WWOX: variants seen among roughly 807,000 people sequenced by gnomAD.
WWOX encodes the protein WW domain containing oxidoreductase.
WWOX carries 69 observed loss-of-function variants against 46.2 expected under a neutral mutation model. That is an observed-to-expected ratio of 1.49 (90% CI 1.23 to 1.82). WWOX has a LOEUF of 1.82. Among genes scored for constraint, WWOX ranks in the 40% most tolerant of loss-of-function variants. The pLI is 0.00. For synonymous variants in WWOX, 359 were observed against 202.6 expected (o/e 1.77, Z -6.56); for missense variants, 919 against 542.6 (o/e 1.69, Z -6.89).
chr16:78,137,140 G>A (rs1567592317), intron 4 of WWOX, among the ~76,000 whole-genome samples: 1 of 152,220 alleles, frequency 6.6e-6, no homozygotes. Flanking sequence ...CCTTCACCCA[G>A]AAAGACACAT....
At chr16:78,752,408 C>A (rs1007588109) in intron 8 of WWOX, among the ~76,000 whole-genome samples, 8 of 152,182 alleles carry the variant, frequency 5.3e-5, no homozygotes, top group African/African-American at 1.9e-4. Flanking sequence ...CTGCCTCAGC[C>A]TTCTGAGTAG....
intron 5 of WWOX, among the ~76,000 whole-genome samples, chr16:78,248,620 C>T (rs1262625823): frequency 6.6e-6 from 1 of 152,040 alleles, no homozygotes; most frequent in Non-Finnish European, 1.5e-5. Flanking sequence ...CCTGTAGTCA[C>T]AGCTACTCAG....
Position 78,314,701 on chromosome 16 carries a change from GTTTTT to G in WWOX, c.517-72143_517-72139del, listed in dbSNP as rs920575863. ...CACCCTGCAGGGGTTTTTTTTTTTT[GTTTTT>G]TTTTTTTTTTTTTTTCTGTATTTTC... On this transcript the variant is annotated intron_variant, in intron 5 of 8. Transcript: ENST00000566780. Among the ~76,000 whole-genome samples, 388 of 61,278 alleles carry G rather than the reference GTTTTT, an allele frequency of 6.3e-3. 1 individual carries two copies. Among genetic ancestry groups the G allele is most frequent in the Non-Finnish European group, 9.7e-3 (333 of 34,410 alleles). The allele number at this position is 61,278 out of a possible 152,430, so 40.2% of individuals were successfully genotyped here. A position where few individuals can be genotyped will look rare whatever the true frequency, so the allele number is the denominator to read the frequency against.
At chr16:78,556,765 G>A (rs1381278667) in intron 8 of WWOX, among the ~76,000 whole-genome samples, 2 of 151,994 alleles carry the variant, frequency 1.3e-5, no homozygotes, top group African/African-American at 4.8e-5. Context: ...GCCCAGCCTG[G>A]AGTGAAGTGG....
At chr16:79,012,265 C>T (rs1434575971) in intron 8 of WWOX, among the ~76,000 whole-genome samples, 1 of 152,098 alleles carries the variant, frequency 6.6e-6, no homozygotes, top group Admixed American at 6.5e-5. Context: ...TGGAGCCTCG[C>T]TCTGTCACCT....
chr16:78,234,461 G>A (rs1356628198), intron 5 of WWOX, among the ~76,000 whole-genome samples: 1 of 152,120 alleles, frequency 6.6e-6, no homozygotes, highest in Non-Finnish European at 1.5e-5. Context: ...AAGTGGCCAT[G>A]TTTTTGTACG....
intron 6 of WWOX, among the ~76,000 whole-genome samples, chr16:78,391,103 T>C (rs1006258817): frequency 1.3e-5 from 2 of 152,144 alleles, no homozygotes; most frequent in African/African-American, 2.4e-5. Flanking sequence ...AAGCAGCATA[T>C]TGTACTGTGG....
At chr16:78,961,308 T>A (rs1018648327) in intron 8 of WWOX, among the ~76,000 whole-genome samples, 1 of 152,240 alleles carries the variant, frequency 6.6e-6, no homozygotes, top group Non-Finnish European at 1.5e-5. Context: ...TAATTGAACA[T>A]GCCTAAATTG....
intron 5 of WWOX, among the ~76,000 whole-genome samples, chr16:78,351,716 G>A (rs966449345): frequency 4.9e-4 from 75 of 152,260 alleles, no homozygotes; most frequent in African/African-American, 1.5e-3. Context: ...GAATGCAGTG[G>A]CACGATGTTG....
At chr16:79,209,650 G>C (rs1421762960) in intron 8 of WWOX, among the ~76,000 whole-genome samples, 2 of 152,168 alleles carry the variant, frequency 1.3e-5, no homozygotes, top group African/African-American at 4.8e-5. Context: ...TCTGGAAGTT[G>C]ATACAAAACA....
At chr16:78,931,519 A>C (rs1232993317) in intron 8 of WWOX, among the ~76,000 whole-genome samples, 1 of 152,228 alleles carries the variant, frequency 6.6e-6, no homozygotes, top group Non-Finnish European at 1.5e-5. Context: ...ATTGCTGGGC[A>C]TGTGCTTGAA....
chr16:78,542,567 G>A (rs957132448), intron 8 of WWOX, among the ~76,000 whole-genome samples: 1 of 152,156 alleles, frequency 6.6e-6, no homozygotes, highest in Non-Finnish European at 1.5e-5. Context: ...AGAGGTGACC[G>A]TGTTCGCTGG....
At chr16:79,034,608 C>A (rs2047830003) in intron 8 of WWOX, among the ~76,000 whole-genome samples, 1 of 152,034 alleles carries the variant, frequency 6.6e-6, no homozygotes, top group Non-Finnish European at 1.5e-5. Flanking sequence ...TTATCTGTTC[C>A]TGGATTGTCT....
intron 5 of WWOX, among the ~76,000 whole-genome samples, chr16:78,315,574 C>T (rs907857222): frequency 6.6e-6 from 1 of 152,078 alleles, no homozygotes; most frequent in Non-Finnish European, 1.5e-5. Context: ...CGCTTGAACC[C>T]GGGAAGCAGA....
intron 8 of WWOX, among the ~76,000 whole-genome samples, chr16:78,504,074 A>C (rs912908119): frequency 1.3e-5 from 2 of 152,332 alleles, no homozygotes; most frequent in South Asian, 4.1e-4. Flanking sequence ...ACTGTGTTTG[A>C]TAGATTTCTT....
chr16:78,137,683 C>G (rs1395934685), intron 4 of WWOX, among the ~76,000 whole-genome samples: 4 of 152,106 alleles, frequency 2.6e-5, no homozygotes, highest in African/African-American at 7.2e-5. Flanking sequence ...CTGAAACAGT[C>G]TGCTGAGGGA....
chr16:78,710,120 C>T lies in WWOX; in HGVS notation c.1056+277368C>T, dbSNP rs546832799. Among the ~76,000 whole-genome samples, 26 of 152,120 alleles carry T rather than the reference C, an allele frequency of 1.7e-4. No homozygotes were observed. In the South Asian group the frequency reaches 1.9e-3, roughly 11 times the overall value. On this transcript the variant is annotated intron_variant, in intron 8 of 8. Coordinates refer to ENST00000566780, the MANE Select transcript of WWOX (RefSeq NM_016373.4). ...TTCTTTTTGCTGGCAGTGACATACTCCTACAGGGATGTCTGCCTCATGTTG... is the reference window on the plus strand; with the variant it reads ...TTCTTTTTGCTGGCAGTGACATACTTCTACAGGGATGTCTGCCTCATGTTG...
intron 8 of WWOX, among the ~76,000 whole-genome samples, chr16:78,670,672 A>G (rs2047439343): frequency 6.6e-6 from 1 of 152,068 alleles, no homozygotes; most frequent in African/African-American, 2.4e-5. Flanking sequence ...TTTTAATTAA[A>G]AAAAAATTTT....
intron 8 of WWOX, among the ~76,000 whole-genome samples, chr16:79,006,443 C>A (rs538742651): frequency 2.6e-5 from 4 of 151,546 alleles, no homozygotes; most frequent in Admixed American, 6.6e-5. Flanking sequence ...GTTAGAGTTT[C>A]GGTTTCTAAG....
Sources: allele counts gnomAD v4.1 joint callset (sites outside exome capture counted in the v4.1 genomes callset), GRCh38; gene constraint gnomAD v4.1.1; transcripts MANE v1.5; gene names NCBI Gene and HGNC (gene_info 2026-07-23, HGNC 2026-07-21).